The following NIBAN1 variants were observed in gnomAD, a reference collection of about 807,000 sequenced individuals.
NIBAN1 encodes niban apoptosis regulator 1.
Under a neutral mutation model 75.1 loss-of-function variants are expected in NIBAN1, and 81 were observed. The ratio of observed to expected loss-of-function variants is 1.08; its 90% CI spans 0.90 to 1.30. The LOEUF is 1.30. Among genes scored for constraint, NIBAN1 ranks in the 50% most tolerant of loss-of-function variants. The pLI is 0.00. For missense variants in NIBAN1, 1,133 were observed against 1,128.1 expected (o/e 1.00, Z -0.06); for synonymous variants, 436 against 424.8 (o/e 1.03, Z -0.32).
chr1:184,796,009 A>G lies in NIBAN1; in HGVS notation c.1755T>C (p.Asp585=). The G allele has an allele frequency of 6.2e-7, 1 of 1,612,782 alleles. No homozygotes were observed. The highest frequency in any genetic ancestry group is 8.5e-7 in the Non-Finnish European group (1 of 1,179,944). Reference sequence around the variant, plus strand: ...GGTTTGACCCTGTGGGGGGCTTTAGATCTGTTAAGCTGGACACACTTTCAC... The same window carrying G: ...GGTTTGACCCTGTGGGGGGCTTTAGGTCTGTTAAGCTGGACACACTTTCAC... ...LPSESVSSLT[D]LKPPTGSNQA... Residue 585 remains aspartate, a synonymous_variant, in exon 14 of 14, where the codon GAT becomes GAC. Coordinates refer to ENST00000367511, the MANE Select transcript of NIBAN1 (RefSeq NM_052966.4).
chr1:184,889,865 T>C lies in NIBAN1; in HGVS notation c.433+243A>G, dbSNP rs574333455. 1.3e-4 allele frequency among the ~76,000 whole-genome samples: 20 copies of C among 152,332 alleles called. 1 individual carries two copies. The highest frequency in any genetic ancestry group is 4.1e-4 in the South Asian group (2 of 4,826). On this transcript the variant is annotated intron_variant, in intron 4 of 13. Coordinates refer to ENST00000367511, the MANE Select transcript of NIBAN1 (RefSeq NM_052966.4). ...CTCAACCTTGGCACTACTGATACTTTGTACCAGATAACTCTTCCTTGTTAG... is the reference window on the plus strand; with the variant it reads ...CTCAACCTTGGCACTACTGATACTTCGTACCAGATAACTCTTCCTTGTTAG...
intron 1 of NIBAN1, among the ~76,000 whole-genome samples, chr1:184,948,566 A>T (rs1658285578): frequency 1.3e-5 from 2 of 152,230 alleles, no homozygotes; most frequent in African/African-American, 4.8e-5. Flanking sequence ...ATATTTATGC[A>T]TTAGGATGTT....
intron 5 of NIBAN1, among the ~76,000 whole-genome samples, chr1:184,877,199 G>A (rs1400040865): frequency 6.6e-6 from 1 of 152,166 alleles, no homozygotes; most frequent in African/African-American, 2.4e-5. Context: ...CAATAACATG[G>A]ATGAAGCACT....
At chr1:184,877,707 C>T (rs937357887) in intron 5 of NIBAN1, among the ~76,000 whole-genome samples, 6 of 152,094 alleles carry the variant, frequency 3.9e-5, no homozygotes, top group African/African-American at 1.4e-4. Flanking sequence ...GATTATCTAA[C>T]CACATATTAA....
At chr1:184,843,220 T>C (rs193076446) in intron 5 of NIBAN1, among the ~76,000 whole-genome samples, 62 of 152,354 alleles carry the variant, frequency 4.1e-4, no homozygotes, top group Non-Finnish European at 8.1e-4. Context: ...GCAGTCATCA[T>C]TGTCTGGATG....
intron 1 of NIBAN1, among the ~76,000 whole-genome samples, chr1:184,950,927 A>T (rs931600837): frequency 1.3e-5 from 2 of 152,224 alleles, no homozygotes; most frequent in Non-Finnish European, 2.9e-5. Context: ...GCTCTTAAAT[A>T]GTAAGTGATA....
Position 184,946,007 on chromosome 1 carries a change from A to G in NIBAN1, c.55+28295T>C, listed in dbSNP as rs559879881. Among the ~76,000 whole-genome samples the G allele has an allele frequency of 5.1e-4, 77 of 152,094 alleles. No homozygotes were observed. The East Asian group carries it at 0.011, about 22-fold the overall frequency. The stretch of plus-strand genomic sequence containing the variant: ...TTCAAAGCGCTGGGATTAAAAAAAA[A>G]AAAGAAAGAGGGGCTCCTCAAGAAC... On this transcript the variant is annotated intron_variant, in intron 1 of 13. Transcript: ENST00000367511.
chr1:184,959,375 T>C (rs1335639261), intron 1 of NIBAN1, among the ~76,000 whole-genome samples: 1 of 152,220 alleles, frequency 6.6e-6, no homozygotes. Context: ...TTTTTTTATA[T>C]CTTCCATTTT....
At chr1:184,918,583 T>C (rs1215470093) in intron 1 of NIBAN1, among the ~76,000 whole-genome samples, 2 of 152,212 alleles carry the variant, frequency 1.3e-5, no homozygotes, top group African/African-American at 2.4e-5. Flanking sequence ...CTAGAACCTA[T>C]AGACCCAGAT....
chr1:184,855,089 T>C (rs565329738), intron 5 of NIBAN1, among the ~76,000 whole-genome samples: 1 of 152,342 alleles, frequency 6.6e-6, no homozygotes, highest in East Asian at 1.9e-4. Flanking sequence ...GTGGAAGGCA[T>C]GATGGAATCA....
At chr1:184,892,370 G>A (rs771815070) in intron 3 of NIBAN1, among the ~76,000 whole-genome samples, 1 of 152,132 alleles carries the variant, frequency 6.6e-6, no homozygotes, top group Non-Finnish European at 1.5e-5. Flanking sequence ...GTAAAGGTAT[G>A]AGTCAAAGCC....
intron 5 of NIBAN1, among the ~76,000 whole-genome samples, chr1:184,872,526 T>G (rs552991503): frequency 1.1e-3 from 175 of 152,180 alleles, no homozygotes; most frequent in African/African-American, 4.0e-3. Context: ...ACCAACATGG[T>G]GAAACCCCAT....
chr1:184,960,643 G>GTTGTTGTTA (rs1398868617), intron 1 of NIBAN1, among the ~76,000 whole-genome samples: 4 of 54,310 alleles, frequency 7.4e-5, no homozygotes, highest in Non-Finnish European at 9.2e-5. Flanking sequence ...TGTTGTTGTT[G>GTTGTTGTTA]TTGAGACGGA....
At chr1:184,969,856 C>G (rs1198877344) in intron 1 of NIBAN1, among the ~76,000 whole-genome samples, 1 of 151,864 alleles carries the variant, frequency 6.6e-6, no homozygotes, top group Non-Finnish European at 1.5e-5. Flanking sequence ...CTGAACAAAA[C>G]TGGAGTTCTG....
chr1:184,869,731 G>T (rs1354295331), intron 5 of NIBAN1, among the ~76,000 whole-genome samples: 1 of 151,902 alleles, frequency 6.6e-6, no homozygotes, highest in African/African-American at 2.4e-5. Context: ...TAGTAGAGAT[G>T]GGTTTTCACC....
At chr1:184,868,642 T>C (rs1431165901) in intron 5 of NIBAN1, 2 of 152,246 alleles carry the variant, frequency 1.3e-5, no homozygotes, top group African/African-American at 2.4e-5. Flanking sequence ...CATGTCCCTC[T>C]CAAGTAGATA....
intron 12 of NIBAN1, among the ~76,000 whole-genome samples, chr1:184,801,933 C>T (rs550500111): frequency 7.4e-4 from 112 of 152,326 alleles, no homozygotes; most frequent in African/African-American, 2.6e-3. Flanking sequence ...CATAGGTTTA[C>T]TTCCCTGGGC....
chr1:184,820,907 G>A (rs1654680270), intron 8 of NIBAN1, among the ~76,000 whole-genome samples: 1 of 152,224 alleles, frequency 6.6e-6, no homozygotes, highest in African/African-American at 2.4e-5. Flanking sequence ...GAAGAACTCA[G>A]TAACTGTTAG....
At chr1:184,869,910 C>T (rs1656057985) in intron 5 of NIBAN1, among the ~76,000 whole-genome samples, 1 of 152,138 alleles carries the variant, frequency 6.6e-6, no homozygotes, top group Non-Finnish European at 1.5e-5. Flanking sequence ...TTATAAAAAT[C>T]ATGAATCTTT....
Sources: gnomAD v4.1 joint callset for allele counts (sites outside exome capture counted in the v4.1 genomes callset) on GRCh38, gnomAD v4.1.1 for gene constraint, MANE v1.5 for transcripts, NCBI Gene and HGNC (gene_info 2026-07-23, HGNC 2026-07-21) for gene names.